MDGA2: variants seen among roughly 807,000 people sequenced by gnomAD.
The protein encoded by MDGA2 is MAM domain containing glycosylphosphatidylinositol anchor 2.
In MDGA2, 40 loss-of-function variants were observed where a neutral mutation model predicts 117.8. The observed-to-expected ratio is 0.34, with a 90% CI of 0.26 to 0.44. MDGA2 has a LOEUF of 0.44. Ranked by LOEUF, MDGA2 falls within the 20% of genes least tolerant of loss-of-function variation. The pLI is 1.00. For missense variants in MDGA2, 1,123 were observed against 1,250.6 expected (o/e 0.90, Z 1.54); for synonymous variants, 452 against 439.0 (o/e 1.03, Z -0.37).
intron 1 of MDGA2, among the ~76,000 whole-genome samples, chr14:47,463,917 A>G (rs1893544223): frequency 6.6e-6 from 1 of 152,160 alleles, no homozygotes; most frequent in African/African-American, 2.4e-5. Context: ...AACTTTAAAT[A>G]TAGTATTTTA....
intron 3 of MDGA2, among the ~76,000 whole-genome samples, chr14:47,151,963 A>G (rs1003377983): frequency 2.0e-5 from 3 of 152,134 alleles, no homozygotes; most frequent in Admixed American, 1.3e-4. Context: ...GGAAATTGAT[A>G]TGTATCATAA....
At chr14:47,551,153 T>C (rs1302550991) in intron 1 of MDGA2, among the ~76,000 whole-genome samples, 2 of 152,208 alleles carry the variant, frequency 1.3e-5, no homozygotes, top group Non-Finnish European at 2.9e-5. Flanking sequence ...TTAATAATTG[T>C]TTAATATAAT....
intron 1 of MDGA2, among the ~76,000 whole-genome samples, chr14:47,440,010 T>C (rs377301511): frequency 6.6e-6 from 1 of 152,090 alleles, no homozygotes; most frequent in East Asian, 1.9e-4. Context: ...TGGTGTGCAC[T>C]GTTCCTACCA....
At chr14:47,550,507 G>A (rs1466129308) in intron 1 of MDGA2, among the ~76,000 whole-genome samples, 5 of 152,170 alleles carry the variant, frequency 3.3e-5, no homozygotes, top group Non-Finnish European at 7.3e-5. Flanking sequence ...CAGAGAATGT[G>A]TATGTGACAC....
chr14:47,039,905 GCTCT>G (rs574067813), intron 7 of MDGA2, among the ~76,000 whole-genome samples: 2 of 149,428 alleles, frequency 1.3e-5, no homozygotes, highest in East Asian at 1.9e-4. Context: ...AGCTCTCTTG[GCTCT>G]CTCTCACACA....
intron 3 of MDGA2, among the ~76,000 whole-genome samples, chr14:47,158,530 G>C (rs1197614174): frequency 6.6e-6 from 1 of 151,022 alleles, no homozygotes; most frequent in Non-Finnish European, 1.5e-5. Flanking sequence ...ACTCAGGCTG[G>C]AGTGCAGTGG....
chr14:47,210,604 T>C (rs1368165768), intron 3 of MDGA2, among the ~76,000 whole-genome samples: 1 of 152,212 alleles, frequency 6.6e-6, no homozygotes, highest in African/African-American at 2.4e-5. Flanking sequence ...GGATATACTC[T>C]TTCTTCCTCC....
At chr14:47,242,509 C>T (rs868409166) in intron 2 of MDGA2, among the ~76,000 whole-genome samples, 96 of 151,906 alleles carry the variant, frequency 6.3e-4, no homozygotes, top group South Asian at 1.3e-3. Context: ...TCCGGGTGGG[C>T]GTGGGCTTGG....
intron 1 of MDGA2, among the ~76,000 whole-genome samples, chr14:47,498,800 T>C (rs1894336691): frequency 6.6e-6 from 1 of 152,112 alleles, no homozygotes; most frequent in South Asian, 2.1e-4. Context: ...CATATAGTAC[T>C]AATGAGAAGG....
At chr14:47,038,385 TATTAC>T (rs1233076771) in intron 7 of MDGA2, among the ~76,000 whole-genome samples, 3 of 152,186 alleles carry the variant, frequency 2.0e-5, no homozygotes, top group East Asian at 3.9e-4. Context: ...TTAAACAACT[TATTAC>T]ATTAGACCGT....
chr14:47,010,108 A>C (rs1051243521), intron 8 of MDGA2, among the ~76,000 whole-genome samples: 7 of 152,050 alleles, frequency 4.6e-5, no homozygotes, highest in Non-Finnish European at 5.9e-5. Flanking sequence ...TCCCTGTGGC[A>C]TCTTTGCCTT....
At chr14:47,654,344 A>G (rs1897700097) in intron 1 of MDGA2, among the ~76,000 whole-genome samples, 1 of 152,058 alleles carries the variant, frequency 6.6e-6, no homozygotes, top group South Asian at 2.1e-4. Flanking sequence ...CCCTGTTAAG[A>G]GACTAGTGTT....
intron 1 of MDGA2, among the ~76,000 whole-genome samples, chr14:47,509,153 C>T (rs1439685177): frequency 6.6e-6 from 1 of 152,164 alleles, no homozygotes; most frequent in East Asian, 1.9e-4. Context: ...CCGTGAAAAA[C>T]AGACATGTCT....
intron 2 of MDGA2, among the ~76,000 whole-genome samples, chr14:47,280,946 A>T (rs981095795): frequency 6.7e-6 from 1 of 148,192 alleles, no homozygotes; most frequent in African/African-American, 2.4e-5. Context: ...TAAACAAAAT[A>T]ATATAATATA....
chr14:47,582,393 A>G (rs988223362), intron 1 of MDGA2, among the ~76,000 whole-genome samples: 7 of 151,888 alleles, frequency 4.6e-5, no homozygotes, highest in African/African-American at 1.4e-4. Context: ...TGGCTTTTAC[A>G]TGTGGCTGAA....
intron 2 of MDGA2, among the ~76,000 whole-genome samples, chr14:47,262,151 TCAAATCAGAAAGAA>T (rs1468886858): frequency 1.3e-5 from 2 of 152,158 alleles, no homozygotes; most frequent in Non-Finnish European, 2.9e-5. Flanking sequence ...AAAGACTTTT[TCAAATCAGAAAGAA>T]CAGGCTAAGG....
intron 1 of MDGA2, among the ~76,000 whole-genome samples, chr14:47,617,447 A>T (rs1896967500): frequency 6.6e-6 from 1 of 151,986 alleles, no homozygotes; most frequent in Admixed American, 6.6e-5. Flanking sequence ...CAGGTGATCC[A>T]CCCACCTCGG....
intron 1 of MDGA2, among the ~76,000 whole-genome samples, chr14:47,551,789 A>T (rs1049873848): frequency 1.3e-5 from 2 of 151,028 alleles, no homozygotes; most frequent in African/African-American, 2.4e-5. Flanking sequence ...ATATTTAAGA[A>T]TTTTTTTTTT....
chr14:47,394,457 A>C (rs1167585252), intron 1 of MDGA2, among the ~76,000 whole-genome samples: 1 of 152,194 alleles, frequency 6.6e-6, no homozygotes, highest in African/African-American at 2.4e-5. Flanking sequence ...ATAGCAATTT[A>C]ACCATATCAG....
Sources: gnomAD v4.1 joint callset for allele counts (sites outside exome capture counted in the v4.1 genomes callset) on GRCh38, gnomAD v4.1.1 for gene constraint, MANE v1.5 for transcripts, NCBI Gene and HGNC (gene_info 2026-07-23, HGNC 2026-07-21) for gene names.